Variants in UBR7 observed in about 807,000 individuals in gnomAD.
UBR7 encodes ubiquitin protein ligase E3 component n-recognin 7.
Under a neutral mutation model 57.0 loss-of-function variants are expected in UBR7, and 22 were observed. The ratio of observed to expected loss-of-function variants is 0.39; its 90% CI spans 0.28 to 0.55. The LOEUF (loss-of-function observed/expected upper bound fraction) is 0.55. Among genes scored for constraint, UBR7 ranks in the 20% least tolerant of loss-of-function variants. UBR7 has a pLI of 0.69. For synonymous variants in UBR7, 167 were observed against 179.8 expected, an observed-to-expected ratio of 0.93 and a Z score of 0.57; for missense variants, 395 against 513.2, an observed-to-expected ratio of 0.77 and a Z score of 2.23.
At position 93,227,105 on chromosome 14, in the gene UBR7, T is replaced by C; in HGVS notation, c.*70T>C. 7.9e-7 allele frequency: 1 copy of C among 1,265,256 alleles called. No individual in the cohort carries two copies. Among genetic ancestry groups the C allele is most frequent in the South Asian group, 1.2e-5 (1 of 82,322 alleles). The allele number at this position is 1,265,256 out of a possible 1,614,324, so 78.4% of individuals were successfully genotyped here. On this transcript the variant is annotated 3_prime_UTR_variant, in exon 11 of 11. Transcript: ENST00000013070. ...TCCCATTCTTGGAATAAAAGAGGTG[T>C]GGTTCACATTTGGCCCCCTTTCCGT...
At position 93,226,966 on chromosome 14, in the gene UBR7, G is replaced by A; in HGVS notation, c.1209G>A (p.Gln403=). The stretch of plus-strand genomic sequence containing the variant: ...AGGTTGTTAAGAGAGAGGACATTCA[G>A]CAGTTCTTTGAAGAGTTTCAGTCAA... ...EGTVVKREDI[Q]QFFEEFQSKK... The change falls in exon 11 of 11, where the codon CAG becomes CAA. Residue 403 remains glutamine, a synonymous_variant. Transcript: ENST00000013070. 1 of 1,613,050 alleles carries A rather than the reference G, an allele frequency of 6.2e-7. No individual in the cohort carries two copies. The highest frequency in any genetic ancestry group is 8.5e-7 in the Non-Finnish European group (1 of 1,179,396).
At chr14:93,226,489 T>G (rs1440176187) in intron 10 of UBR7, among the ~76,000 whole-genome samples, 1 of 151,980 alleles carries the variant, frequency 6.6e-6, no homozygotes, top group Admixed American at 6.6e-5. Context: ...TACACAAAAT[T>G]TAAAAATTAG....
Position 93,228,820 on chromosome 14 carries a change from G to T in UBR7, c.*1785G>T, listed in dbSNP as rs1211346846. On this transcript the variant is annotated 3_prime_UTR_variant, in exon 11 of 11. Coordinates refer to ENST00000013070, the MANE Select transcript of UBR7 (RefSeq NM_175748.4). ...AAATATCTGATGTAACTACCAGAAA[G>T]TCCCTTACTTCCTATGACCAATCAG... is the stretch of plus-strand genomic sequence containing the variant. 2.2e-6 allele frequency: 1 copy of T among 454,112 alleles called. No individual in the cohort carries two copies. The highest frequency in any genetic ancestry group is 2.3e-5 in the Admixed American group (1 of 42,568). The allele number at this position is 454,112 out of a possible 1,614,324, so 28.1% of individuals were successfully genotyped here. A position where few individuals can be genotyped will look rare whatever the true frequency, so the allele number is the denominator to read the frequency against.
intron 9 of UBR7, among the ~76,000 whole-genome samples, chr14:93,221,988 C>T (rs1423468990): frequency 6.6e-6 from 1 of 151,974 alleles, no homozygotes; most frequent in Non-Finnish European, 1.5e-5. Context: ...AAATATTCAA[C>T]AAGTCCAAGG....
In UBR7 at chr14:93,227,557, G is replaced by T. The variant is rs1894885894; in HGVS notation, c.*522G>T. 1 of 699,628 alleles carries T rather than the reference G, an allele frequency of 1.4e-6. No individual in the cohort carries two copies. Among genetic ancestry groups the T allele is most frequent in the Non-Finnish European group, 2.6e-6 (1 of 384,614 alleles). The allele number at this position is 699,628 out of a possible 1,614,324, so 43.3% of individuals were successfully genotyped here. A position where few individuals can be genotyped will look rare whatever the true frequency, so the allele number is the denominator to read the frequency against. On this transcript the variant is annotated 3_prime_UTR_variant, in exon 11 of 11. Transcript: ENST00000013070. ...TTCACGTCCCTGTTTTCTGAGGTTT[G>T]GTCATAGCTTAGAAAGGATCTTGGG... is the stretch of plus-strand genomic sequence containing the variant.
chr14:93,221,504 C>G (rs971078659), intron 9 of UBR7, among the ~76,000 whole-genome samples: 1 of 151,968 alleles, frequency 6.6e-6, no homozygotes, highest in Non-Finnish European at 1.5e-5. Flanking sequence ...ATCCACCTGC[C>G]TCAGCCTCCC....
At chr14:93,217,561 A>G (rs1009501261) in intron 6 of UBR7, among the ~76,000 whole-genome samples, 4 of 152,094 alleles carry the variant, frequency 2.6e-5, no homozygotes, top group East Asian at 1.9e-4. Flanking sequence ...TTACAATTCA[A>G]TCTCTTCCTC....
In UBR7 at chr14:93,212,105, C is replaced by G; in HGVS notation, c.419C>G (p.Pro140Arg). The stretch of plus-strand genomic sequence containing the variant: ...GGATTGTACTGCATTTGCAAGAGAC[C>G]TTATCCTGATCCTGAAGACGAGGTA... ...FFGLYCICKR[P>R]YPDPEDEIPD... The change falls in exon 4 of 11, where the codon CCT becomes CGT. Residue 140 changes from proline (P) to arginine (R), a missense_variant. Pro to Arg is a moderately radical substitution (Grantham distance 103). Coordinates refer to ENST00000013070, the MANE Select transcript of UBR7 (RefSeq NM_175748.4). 1.9e-6 allele frequency: 3 copies of G among 1,612,436 alleles called. No homozygotes were observed. The highest frequency in any genetic ancestry group is 2.5e-6 in the Non-Finnish European group (3 of 1,179,054).
Position 93,207,286 on chromosome 14 carries a change from T to C in UBR7, c.-6T>C, listed in dbSNP as rs1894378490. ...GGCCGAGCCGCTGTTCGGCTGACAG[T>C]TGAGGATGGCCGGAGCCGAGGGCGC... On this transcript the variant is annotated 5_prime_UTR_variant, in exon 1 of 11. Coordinates refer to ENST00000013070, the MANE Select transcript of UBR7 (RefSeq NM_175748.4). 3 of 1,553,314 alleles carry C rather than the reference T, an allele frequency of 1.9e-6. No homozygotes were observed. Among genetic ancestry groups the C allele is most frequent in the South Asian group, 1.2e-5 (1 of 84,368 alleles).
chr14:93,222,972 C>T (rs1035600804), intron 10 of UBR7, among the ~76,000 whole-genome samples: 15 of 152,216 alleles, frequency 9.9e-5, no homozygotes, highest in Middle Eastern at 3.4e-3. Flanking sequence ...GGAAGGAATC[C>T]GCAGTACTGA....
chr14:93,223,831 G>C (rs1894769752), intron 10 of UBR7: 1 of 748,772 alleles, frequency 1.3e-6, no homozygotes. Flanking sequence ...CAGCGCCCGC[G>C]GTGGTCAGGT....
chr14:93,212,760 AC>A (rs527636027), intron 4 of UBR7, among the ~76,000 whole-genome samples: 90 of 152,252 alleles, frequency 5.9e-4, no homozygotes, highest in Non-Finnish European at 1.1e-3. Flanking sequence ...AAACACACTT[AC>A]CCCCTTCTAA....
chr14:93,224,689 C>A (rs1157273114), intron 10 of UBR7, among the ~76,000 whole-genome samples: 1 of 152,122 alleles, frequency 6.6e-6, no homozygotes, highest in African/African-American at 2.4e-5. Context: ...CCCTACAGTT[C>A]TTAAAACTTA....
Position 93,218,440 on chromosome 14 carries a change from A to T in UBR7, c.602-87A>T, listed in dbSNP as rs1894635052. 5.3e-6 allele frequency: 6 copies of T among 1,122,296 alleles called. No individual in the cohort carries two copies. The East Asian group carries it at 1.5e-4, about 28-fold the overall frequency. 69.5% of individuals were successfully genotyped at this position (1,122,296 alleles called of 1,614,324 possible). A position where few individuals can be genotyped will look rare whatever the true frequency, so the allele number is the denominator to read the frequency against. ...AAAAAAAAATAATAATAATAGAATA[A>T]GTGATTTTATTGTCTGTTGGGATTT... On this transcript the variant is annotated intron_variant, in intron 6 of 10. Transcript: ENST00000013070.
rs944212560 is a variant in UBR7, at chr14:93,228,775, G to A, written c.*1740G>A. The A allele has an allele frequency of 3.1e-5, 14 of 453,902 alleles. No individual in the cohort carries two copies. The highest frequency in any genetic ancestry group is 1.4e-4 in the East Asian group (2 of 14,406). The allele number at this position is 453,902 out of a possible 1,614,324, so 28.1% of individuals were successfully genotyped here. Reference sequence around the variant, plus strand: ...GCACTATTAGTATACCATCATGTCCGGAAAACTTTTAATCTTCTCAAATAT... The same window carrying A: ...GCACTATTAGTATACCATCATGTCCAGAAAACTTTTAATCTTCTCAAATAT... On this transcript the variant is annotated 3_prime_UTR_variant, in exon 11 of 11. Transcript: ENST00000013070.
rs752417625 is a variant in UBR7 at position 93,215,195 on chromosome 14, C to G, written c.515C>G (p.Pro172Arg). 1 of 1,582,372 alleles carries G rather than the reference C, an allele frequency of 6.3e-7. No homozygotes were observed. The highest frequency in any genetic ancestry group is 1.2e-5 in the South Asian group (1 of 86,606). ...FHGRHLGAIPPESGDFQEMVC... is the reference protein window; with the variant it reads ...FHGRHLGAIPRESGDFQEMVC... The stretch of plus-strand genomic sequence containing the variant: ...TCACAGCATCTTGGTGCCATTCCCC[C>G]TGAGAGTGGGGATTTTCAGGAGATG... The change falls in exon 6 of 11, where the codon CCT becomes CGT. Residue 172 changes from proline to arginine, a missense_variant. Transcript: ENST00000013070.
At chr14:93,226,201 A>G (rs1249060200) in intron 10 of UBR7, among the ~76,000 whole-genome samples, 1 of 152,174 alleles carries the variant, frequency 6.6e-6, no homozygotes, top group African/African-American at 2.4e-5. Context: ...ATGAGAGGGA[A>G]GTTTTCACTT....
chr14:93,210,568 A>C, intron 2 of UBR7, 80 bp from the exon 3 acceptor site: 4 of 1,210,380 alleles, frequency 3.3e-6, no homozygotes, highest in Non-Finnish European at 4.8e-6. Flanking sequence ...AAGTCTTACT[A>C]TGTGCTTGAA....
chr14:93,227,905 T>C lies in UBR7; in HGVS notation c.*870T>C. On this transcript the variant is annotated 3_prime_UTR_variant, in exon 11 of 11. Coordinates refer to ENST00000013070, the MANE Select transcript of UBR7 (RefSeq NM_175748.4). The stretch of plus-strand genomic sequence containing the variant: ...TTACGAAGTCCTCTGGATTTCTTGA[T>C]ATTATCAGGGATATTCATAAGCATA... The C allele has an allele frequency of 1.4e-6, 1 of 700,868 alleles. No individual in the cohort carries two copies. The highest frequency in any genetic ancestry group is 2.6e-6 in the Non-Finnish European group (1 of 384,822). 43.4% of individuals were successfully genotyped at this position (700,868 alleles called of 1,614,324 possible).
Sources: gnomAD v4.1 joint callset for allele counts (sites outside exome capture counted in the v4.1 genomes callset) on GRCh38, gnomAD v4.1.1 for gene constraint, MANE v1.5 for transcripts, NCBI Gene and HGNC (gene_info 2026-07-23, HGNC 2026-07-21) for gene names.